The following APBB1IP variants were observed in gnomAD, a reference collection of about 807,000 sequenced individuals.
APBB1IP encodes amyloid beta A4 precursor protein-binding family B member 1-interacting protein.
APBB1IP carries 27 observed loss-of-function variants against 64.9 expected under a neutral mutation model. The ratio of observed to expected loss-of-function variants is 0.42; its 90% CI spans 0.31 to 0.57. The LOEUF (loss-of-function observed/expected upper bound fraction) is 0.57. Ranked by LOEUF, APBB1IP falls within the 20% of genes least tolerant of loss-of-function variation. The pLI, the probability that APBB1IP is intolerant of heterozygous loss-of-function variation, is 0.20. For synonymous variants in APBB1IP, 392 were observed against 331.0 expected (o/e 1.18, Z -2.00); for missense variants, 812 against 845.5 (o/e 0.96, Z 0.49).
chr10:26,567,479 C>A lies in APBB1IP; in HGVS notation c.1992C>A (p.Asn664Lys). ...LMKALQKKRG[N>K]VS Reference sequence around the variant, plus strand: ...AAGCTTTGCAAAAGAAGAGAGGCAACGTGTCCTAGGGACGGGCATGATGAG... The same window carrying A: ...AAGCTTTGCAAAAGAAGAGAGGCAAAGTGTCCTAGGGACGGGCATGATGAG... The change falls in exon 15 of 15, where the codon AAC (asparagine) becomes AAA (lysine). Residue 664 changes from asparagine to lysine, a missense_variant. Coordinates refer to ENST00000376236, the MANE Select transcript of APBB1IP (RefSeq NM_019043.4). 5.1e-6 allele frequency: 8 copies of A among 1,576,944 alleles called. No individual in the cohort carries two copies. Among genetic ancestry groups the A allele is most frequent in the Non-Finnish European group, 6.9e-6 (8 of 1,155,270 alleles).
At chr10:26,455,527 G>T (rs1413780347) in intron 2 of APBB1IP, among the ~76,000 whole-genome samples, 3 of 144,316 alleles carry the variant, frequency 2.1e-5, no homozygotes, top group African/African-American at 5.2e-5. Flanking sequence ...AAAAAAAAAA[G>T]AATAATAATA....
chr10:26,466,326 C>G (rs1173261891), intron 2 of APBB1IP, among the ~76,000 whole-genome samples: 1 of 152,134 alleles, frequency 6.6e-6, no homozygotes, highest in Non-Finnish European at 1.5e-5. Flanking sequence ...ACAGCCATCA[C>G]AAGGCTGGTC....
chr10:26,481,678 G>T (rs966284993), intron 2 of APBB1IP, among the ~76,000 whole-genome samples: 1 of 151,906 alleles, frequency 6.6e-6, no homozygotes, highest in Non-Finnish European at 1.5e-5. Context: ...GATAGAGATG[G>T]GGTCTTGCTA....
At chr10:26,493,249 T>C (rs1835979765) in intron 3 of APBB1IP, among the ~76,000 whole-genome samples, 1 of 152,224 alleles carries the variant, frequency 6.6e-6, no homozygotes, top group Non-Finnish European at 1.5e-5. Context: ...TCATATTGTT[T>C]AAACACACAT....
intron 8 of APBB1IP, among the ~76,000 whole-genome samples, chr10:26,520,211 A>G (rs1458812376): frequency 1.3e-5 from 2 of 152,168 alleles, no homozygotes; most frequent in Non-Finnish European, 2.9e-5. Flanking sequence ...CCACCATGTT[A>G]TGACACAGTA....
rs912361614 is a variant in APBB1IP, at chr10:26,473,093, C to A, written c.1-19234C>A. Among the ~76,000 whole-genome samples, 6 of 152,188 alleles carry A rather than the reference C, an allele frequency of 3.9e-5. 1 individual carries two copies. The highest frequency in any genetic ancestry group is 3.9e-4 in the Admixed American group (6 of 15,288). On this transcript the variant is annotated intron_variant, in intron 2 of 14. Coordinates refer to ENST00000376236, the MANE Select transcript of APBB1IP (RefSeq NM_019043.4). ...ATATGGAACAGGCTAGGACCCTCAA[C>A]TCTTTGTTACTCAAGCCCTTAGTCT...
rs145577507 is a variant in APBB1IP at position 26,508,076 on chromosome 10, G to A, written c.532-3671G>A. 4.6e-5 allele frequency among the ~76,000 whole-genome samples: 7 copies of A among 152,302 alleles called. 1 individual carries two copies. The highest frequency in any genetic ancestry group is 2.6e-4 in the Admixed American group (4 of 15,302). On this transcript the variant is annotated intron_variant, in intron 6 of 14. Transcript: ENST00000376236. ...TATTTGCTCTGATTTCAGACACTCCGAATGTATTTGTTCTGTGGTGCAGAA... is the reference window on the plus strand; with the variant it reads ...TATTTGCTCTGATTTCAGACACTCCAAATGTATTTGTTCTGTGGTGCAGAA...
Position 26,511,921 on chromosome 10 carries a change from C to G in APBB1IP, c.691+15C>G. ...ACTACAAATTGGTAAGTCCCATCCC[C>G]AGCAATGGGCTGTACTCCAAAAACC... On this transcript the variant is annotated intron_variant, in intron 7 of 14. Transcript: ENST00000376236. 6.2e-7 allele frequency: 1 copy of G among 1,613,576 alleles called. No homozygotes were observed. The highest frequency in any genetic ancestry group is 1.7e-5 in the Admixed American group (1 of 60,016).
At chr10:26,479,442 G>C (rs908756197) in intron 2 of APBB1IP, among the ~76,000 whole-genome samples, 1 of 151,994 alleles carries the variant, frequency 6.6e-6, no homozygotes, top group African/African-American at 2.4e-5. Flanking sequence ...TTTATAAAGT[G>C]TATAATTTAT....
chr10:26,559,576 T>A (rs898877653), intron 11 of APBB1IP, among the ~76,000 whole-genome samples: 1 of 151,732 alleles, frequency 6.6e-6, no homozygotes, highest in East Asian at 1.9e-4. Context: ...AAACTTTTTT[T>A]AAAAAGATGT....
At chr10:26,448,961 C>T (rs574678670) in intron 2 of APBB1IP, among the ~76,000 whole-genome samples, 4 of 152,224 alleles carry the variant, frequency 2.6e-5, no homozygotes, top group African/African-American at 9.6e-5. Context: ...ACACTCTCAT[C>T]GACAGCCACT....
intron 14 of APBB1IP, among the ~76,000 whole-genome samples, chr10:26,566,649 C>T (rs774591848): frequency 6.6e-6 from 1 of 152,118 alleles, no homozygotes; most frequent in Non-Finnish European, 1.5e-5. Context: ...TCATGACCGA[C>T]CAGGAGTCTC....
chr10:26,440,853 CT>C (rs1290501219), intron 2 of APBB1IP, among the ~76,000 whole-genome samples: 2 of 152,086 alleles, frequency 1.3e-5, no homozygotes, highest in Admixed American at 1.3e-4. Context: ...TGATATGTCA[CT>C]TTGAATTTTC....
intron 4 of APBB1IP, among the ~76,000 whole-genome samples, chr10:26,497,237 G>A (rs1273501155): frequency 6.6e-6 from 1 of 151,820 alleles, no homozygotes; most frequent in Admixed American, 6.6e-5. Flanking sequence ...ACATCTTTAG[G>A]CCACGTGCTA....
chr10:26,503,496 G>T (rs775717791), intron 6 of APBB1IP, among the ~76,000 whole-genome samples: 3 of 152,056 alleles, frequency 2.0e-5, no homozygotes, highest in Non-Finnish European at 2.9e-5. Flanking sequence ...TTAGCTGGGC[G>T]TGGTGGCAGG....
In APBB1IP at chr10:26,474,615, G is replaced by A. The variant is rs1228444332; in HGVS notation, c.1-17712G>A. Among the ~76,000 whole-genome samples the A allele has an allele frequency of 3.3e-5, 5 of 152,302 alleles. No homozygotes were observed. The East Asian group carries it at 5.8e-4, about 18-fold the overall frequency. ...TTTCACATGATAAATACATAGAACT[G>A]TATCTGTTGGTTTAAAAAATAAGTT... On this transcript the variant is annotated intron_variant, in intron 2 of 14. Transcript: ENST00000376236.
intron 2 of APBB1IP, among the ~76,000 whole-genome samples, chr10:26,475,511 A>T (rs1227202936): frequency 6.6e-6 from 1 of 152,116 alleles, no homozygotes; most frequent in Admixed American, 6.6e-5. Flanking sequence ...TTTCCTTCAC[A>T]CAATCCCAGG....
intron 2 of APBB1IP, among the ~76,000 whole-genome samples, chr10:26,446,504 A>C (rs530030799): frequency 6.6e-6 from 1 of 152,326 alleles, no homozygotes; most frequent in African/African-American, 2.4e-5. Context: ...CCGTGAGACC[A>C]CTGCAGAATG....
intron 2 of APBB1IP, among the ~76,000 whole-genome samples, chr10:26,456,119 G>A (rs897684019): frequency 1.3e-5 from 2 of 152,154 alleles, no homozygotes; most frequent in Non-Finnish European, 2.9e-5. Context: ...CGGATACAGG[G>A]TTTCTTTTAT....
Sources: gnomAD v4.1 joint callset for allele counts (sites outside exome capture counted in the v4.1 genomes callset) on GRCh38, gnomAD v4.1.1 for gene constraint, MANE v1.5 for transcripts, NCBI Gene and HGNC (gene_info 2026-07-23, HGNC 2026-07-21) for gene names.